Variants in ME1 observed in about 807,000 individuals in gnomAD.
ME1 encodes NADP-dependent malic enzyme.
Under a neutral mutation model 66.4 loss-of-function variants are expected in ME1, and 74 were observed. The observed-to-expected ratio is 1.11, with a 90% CI of 0.92 to 1.35. ME1 has a LOEUF of 1.35. ME1 is among the 40% of genes most tolerant of loss of function. The probability of loss-of-function intolerance (pLI) is 0.00; values close to 1 mark genes in which losing one functional copy is unlikely to be tolerated. For synonymous variants in ME1, 251 were observed against 235.6 expected (o/e 1.07, Z -0.60); for missense variants, 750 against 694.1 (o/e 1.08, Z -0.90).
intron 6 of ME1, among the ~76,000 whole-genome samples, chr6:83,297,068 A>G (rs1164769077): frequency 6.6e-6 from 1 of 152,204 alleles, no homozygotes; most frequent in East Asian, 1.9e-4. Context: ...TTTCTTTTCC[A>G]TAAGAAAATA....
intron 6 of ME1, among the ~76,000 whole-genome samples, chr6:83,309,365 A>T (rs1011082005): frequency 2.0e-5 from 3 of 152,192 alleles, no homozygotes; most frequent in Admixed American, 6.5e-5. Flanking sequence ...AATGATACTG[A>T]CAATGAGAAA....
At chr6:83,266,278 C>A (rs1228839388) in intron 6 of ME1, among the ~76,000 whole-genome samples, 2 of 152,176 alleles carry the variant, frequency 1.3e-5, no homozygotes, top group African/African-American at 2.4e-5. Flanking sequence ...AATATCCATT[C>A]TTAGGCCACA....
At chr6:83,240,389 T>G (rs1043019707) in intron 7 of ME1, among the ~76,000 whole-genome samples, 1 of 152,048 alleles carries the variant, frequency 6.6e-6, no homozygotes, top group Admixed American at 6.6e-5. Context: ...TAGACAAAAC[T>G]AATGCAAAAT....
At chr6:83,361,924 C>T (rs752381152) in intron 3 of ME1, among the ~76,000 whole-genome samples, 2 of 152,190 alleles carry the variant, frequency 1.3e-5, no homozygotes, top group South Asian at 2.1e-4. Flanking sequence ...ATGGTCTCCA[C>T]TCCTGCCACC....
intron 13 of ME1, 25 bp from the exon 14 acceptor site, chr6:83,212,119 T>C: frequency 6.6e-7 from 1 of 1,518,244 alleles, no homozygotes; most frequent in South Asian, 1.2e-5. Context: ...AGAATATTAA[T>C]TATTTTAATA....
chr6:83,332,954 T>C (rs918789086), intron 5 of ME1, among the ~76,000 whole-genome samples: 3 of 152,292 alleles, frequency 2.0e-5, no homozygotes, highest in Admixed American at 6.5e-5. Context: ...CAAGTACTTC[T>C]GTGTACTTCT....
intron 4 of ME1, among the ~76,000 whole-genome samples, chr6:83,350,968 A>G (rs1768789323): frequency 7.9e-6 from 1 of 127,168 alleles, no homozygotes; most frequent in South Asian, 2.4e-4. Context: ...TAGGTGGAGA[A>G]AGCAAAAAAA....
intron 7 of ME1, among the ~76,000 whole-genome samples, chr6:83,241,858 ATTTATT>A (rs1231753556): frequency 6.6e-6 from 1 of 151,940 alleles, no homozygotes; most frequent in Non-Finnish European, 1.5e-5. Flanking sequence ...CAGTTTTTGT[ATTTATT>A]TTTATTTTTT....
chr6:83,234,506 G>T (rs1790361572), intron 9 of ME1, among the ~76,000 whole-genome samples: 4 of 152,100 alleles, frequency 2.6e-5, no homozygotes, highest in Admixed American at 2.6e-4. Flanking sequence ...TTACTAGACA[G>T]ACCCCAAGGA....
chr6:83,262,536 T>G (rs949394667), intron 6 of ME1, among the ~76,000 whole-genome samples: 2 of 151,268 alleles, frequency 1.3e-5, no homozygotes, highest in African/African-American at 4.9e-5. Flanking sequence ...TTTTTCTCCA[T>G]TTAGCCTGAA....
At position 83,342,290 on chromosome 6, in the gene ME1, T is replaced by C. The variant is rs546975468; in HGVS notation, c.600+3883A>G. ...GCTTTCATTTTCATTAAATCTCTTC[T>C]TTTCTTGCTTTATTCTTTCCTTGCG... On this transcript the variant is annotated intron_variant, in intron 5 of 13. Transcript: ENST00000369705. Among the ~76,000 whole-genome samples the C allele has an allele frequency of 3.1e-4, 47 of 152,326 alleles. 2 individuals are homozygous for C. In the East Asian group the frequency reaches 8.3e-3, roughly 27 times the overall value.
intron 1 of ME1, among the ~76,000 whole-genome samples, chr6:83,414,733 A>G (rs1770127002): frequency 6.6e-6 from 1 of 152,188 alleles, no homozygotes; most frequent in Non-Finnish European, 1.5e-5. Context: ...GATTCTTTGT[A>G]AGGCTGAAAA....
intron 3 of ME1, among the ~76,000 whole-genome samples, chr6:83,352,874 T>C (rs1157703439): frequency 6.6e-6 from 1 of 152,182 alleles, no homozygotes; most frequent in African/African-American, 2.4e-5. Flanking sequence ...GCTTAATGAA[T>C]TGTTATAAGA....
At chr6:83,225,808 TTATATATATA>T (rs57577563) in intron 11 of ME1, among the ~76,000 whole-genome samples, 27,070 of 138,016 alleles carry the variant, frequency 0.2, 3,532 homozygotes, top group African/African-American at 0.36. Flanking sequence ...GCCTGTAACA[TTATATATATA>T]TATATATATA....
At chr6:83,349,224 T>C (rs981412358) in intron 4 of ME1, among the ~76,000 whole-genome samples, 1 of 152,062 alleles carries the variant, frequency 6.6e-6, no homozygotes, top group Non-Finnish European at 1.5e-5. Context: ...TACTTCCATA[T>C]AAAAGAGTAG....
At chr6:83,333,265 T>C (rs1768451541) in intron 5 of ME1, among the ~76,000 whole-genome samples, 1 of 152,144 alleles carries the variant, frequency 6.6e-6, no homozygotes, top group Non-Finnish European at 1.5e-5. Context: ...TATGCAGAGA[T>C]TCAAAAAAGC....
intron 3 of ME1, chr6:83,393,428 C>T: frequency 3.2e-6 from 2 of 623,468 alleles, no homozygotes; most frequent in Non-Finnish European, 2.9e-6. Flanking sequence ...GACCACCAGC[C>T]CCAGCGACAG....
rs181417131 is a variant in ME1, at chr6:83,290,970, G to A, written c.704+24340C>T. On this transcript the variant is annotated intron_variant, in intron 6 of 13. Transcript: ENST00000369705. ...CTTTTTTTTTGCTTTGCATTTGCTT[G>A]ATAGATCTTCCTCCATTCCTTTATT... Among the ~76,000 whole-genome samples, 27 of 151,972 alleles carry A rather than the reference G, an allele frequency of 1.8e-4. No homozygotes were observed. In the East Asian group the frequency reaches 5.2e-3, roughly 29 times the overall value.
intron 3 of ME1, among the ~76,000 whole-genome samples, chr6:83,375,507 G>A (rs562140906): frequency 1.3e-5 from 2 of 152,236 alleles, no homozygotes; most frequent in South Asian, 4.2e-4. Flanking sequence ...AGACCTTGGG[G>A]TTTTCTAGAT....
Sources: allele counts gnomAD v4.1 joint callset (sites outside exome capture counted in the v4.1 genomes callset), GRCh38; gene constraint gnomAD v4.1.1; transcripts MANE v1.5; gene names NCBI Gene and HGNC (gene_info 2026-07-23, HGNC 2026-07-21).